Variants in NTRK3 observed in about 807,000 individuals in gnomAD.
NTRK3 encodes neurotrophic receptor tyrosine kinase 3.
In NTRK3, 24 loss-of-function variants were observed where a neutral mutation model predicts 91.7. That is an observed-to-expected ratio of 0.26 (90% CI 0.19 to 0.37). NTRK3 has a LOEUF of 0.37. Among genes scored for constraint, NTRK3 ranks in the 10% least tolerant of loss-of-function variants. The pLI is 1.00. For synonymous variants in NTRK3, 483 were observed against 404.0 expected (o/e 1.20, Z -2.34); for missense variants, 880 against 1,068.9 (o/e 0.82, Z 2.46).
At chr15:88,016,075 G>C (rs1324013655) in intron 14 of NTRK3, among the ~76,000 whole-genome samples, 1 of 152,036 alleles carries the variant, frequency 6.6e-6, no homozygotes, top group Non-Finnish European at 1.5e-5. Context: ...TTATTAGCCT[G>C]TGCATATAAG....
exon 19 of NTRK3, chr15:87,872,488 G>T (rs762851371): frequency 2.1e-4 from 47 of 227,794 alleles, no homozygotes; most frequent in Non-Finnish European, 3.7e-4. Flanking sequence ...GATTTCCAGT[G>T]GCCTGCATGA....
intron 5 of NTRK3, among the ~76,000 whole-genome samples, chr15:88,160,761 A>G (rs1459448575): frequency 6.6e-6 from 1 of 152,208 alleles, no homozygotes; most frequent in Non-Finnish European, 1.5e-5. Context: ...ATCCAAGTGT[A>G]TGATGGAGAA....
At chr15:88,181,489 C>CAGG (rs2046452391) in intron 5 of NTRK3, among the ~76,000 whole-genome samples, 2 of 152,148 alleles carry the variant, frequency 1.3e-5, no homozygotes, top group Admixed American at 1.3e-4. Flanking sequence ...GAAGCCTCTC[C>CAGG]ATCTCCCTAA....
chr15:88,205,525 C>G (rs540618080), intron 3 of NTRK3, among the ~76,000 whole-genome samples: 34 of 152,158 alleles, frequency 2.2e-4, no homozygotes, highest in African/African-American at 8.0e-4. Flanking sequence ...CTTCTACAGA[C>G]ATGAGCTCTG....
chr15:87,874,024 A>G (rs1168863902), exon 19 of NTRK3: 2 of 228,352 alleles, frequency 8.8e-6, no homozygotes, highest in East Asian at 1.2e-4. Context: ...GGGGCCAGAG[A>G]TTAGCAGGTG....
intron 3 of NTRK3, among the ~76,000 whole-genome samples, chr15:88,206,378 G>C (rs1201528278): frequency 1.4e-5 from 2 of 143,632 alleles, no homozygotes; most frequent in African/African-American, 5.2e-5. Flanking sequence ...AAAAAAACAG[G>C]CCGGGCGCGG....
chr15:88,017,127 G>A (rs1382997449), intron 14 of NTRK3, among the ~76,000 whole-genome samples: 1 of 152,134 alleles, frequency 6.6e-6, no homozygotes, highest in Non-Finnish European at 1.5e-5. Flanking sequence ...ATAGACCAGA[G>A]GGAAAGAAAT....
chr15:87,953,461 T>C (rs538537325), intron 14 of NTRK3, among the ~76,000 whole-genome samples: 50 of 152,346 alleles, frequency 3.3e-4, no homozygotes, highest in Non-Finnish European at 6.2e-4. Flanking sequence ...GTCAATGTTA[T>C]TTGTTCTTAC....
At chr15:88,147,107 A>G (rs1444682657) in intron 6 of NTRK3, among the ~76,000 whole-genome samples, 1 of 152,206 alleles carries the variant, frequency 6.6e-6, no homozygotes, top group African/African-American at 2.4e-5. Flanking sequence ...TAATAAAAGA[A>G]GAGACTCCTG....
intron 14 of NTRK3, among the ~76,000 whole-genome samples, chr15:87,994,706 C>A (rs2075559005): frequency 6.6e-6 from 1 of 152,122 alleles, no homozygotes; most frequent in African/African-American, 2.4e-5. Flanking sequence ...AAGGAAAGTA[C>A]ATAATTTGGC....
intron 8 of NTRK3, 22 bp downstream of exon 8, chr15:88,136,445 G>C (rs1014329435): frequency 1.2e-6 from 2 of 1,614,126 alleles, no homozygotes; most frequent in Non-Finnish European, 1.7e-6. Flanking sequence ...CTCCTGATGG[G>C]GCTGAAGCCC....
chr15:88,223,441 C>A (rs1158294310), intron 3 of NTRK3, among the ~76,000 whole-genome samples: 1 of 152,224 alleles, frequency 6.6e-6, no homozygotes, highest in East Asian at 1.9e-4. Context: ...GCACCAGGGA[C>A]AAGAAGGCAA....
intron 14 of NTRK3, chr15:87,981,113 A>G: frequency 6.6e-7 from 1 of 1,504,814 alleles, no homozygotes; most frequent in Non-Finnish European, 9.0e-7. Flanking sequence ...ACCTAGTCGT[A>G]CCTCAGTCCA....
chr15:88,196,672 C>T (rs542394439), intron 3 of NTRK3, among the ~76,000 whole-genome samples: 13 of 152,336 alleles, frequency 8.5e-5, no homozygotes, highest in African/African-American at 2.4e-4. Context: ...CTCTCTTGTT[C>T]GCTTTTCTCT....
At chr15:87,901,301 T>C (rs2141652222) in intron 17 of NTRK3, among the ~76,000 whole-genome samples, 1 of 152,330 alleles carries the variant, frequency 6.6e-6, no homozygotes, top group Middle Eastern at 3.4e-3. Context: ...TCAAAGGCAT[T>C]CCTCCTCTGT....
At chr15:88,121,201 A>G (rs1285333818) in intron 13 of NTRK3, among the ~76,000 whole-genome samples, 6 of 152,224 alleles carry the variant, frequency 3.9e-5, no homozygotes, top group African/African-American at 1.2e-4. Flanking sequence ...TGCTCACCTT[A>G]TATGAAAACT....
At chr15:87,925,736 T>C (rs952957507) in intron 17 of NTRK3, 4 of 180,778 alleles carry the variant, frequency 2.2e-5, no homozygotes, top group Non-Finnish European at 4.7e-5. Context: ...AGTATTTCCA[T>C]ACATGTTGAA....
At chr15:87,946,084 G>T (rs1485473888) in intron 14 of NTRK3, 3 of 152,018 alleles carry the variant, frequency 2.0e-5, no homozygotes, top group East Asian at 1.9e-4. Context: ...AAATAAAATC[G>T]TGGCTTGAAA....
chr15:87,991,893 T>C (rs1596562336), intron 14 of NTRK3, among the ~76,000 whole-genome samples: 1 of 151,978 alleles, frequency 6.6e-6, no homozygotes, highest in African/African-American at 2.4e-5. Flanking sequence ...GAGGATATCT[T>C]TGTCTATCTC....
Sources: allele counts gnomAD v4.1 joint callset (sites outside exome capture counted in the v4.1 genomes callset), GRCh38; gene constraint gnomAD v4.1.1; transcripts MANE v1.5; gene names NCBI Gene and HGNC (gene_info 2026-07-23, HGNC 2026-07-21).